Variants in IL34 observed in about 807,000 individuals in gnomAD.
IL34 encodes the protein interleukin 34.
Under a neutral mutation model 25.3 loss-of-function variants are expected in IL34, and 17 were observed. The ratio of observed to expected loss-of-function variants is 0.67; its 90% confidence interval spans 0.46 to 1.01. The LOEUF is 1.01. Among genes scored for constraint, IL34 ranks in the 50% least tolerant of loss-of-function variants. The pLI is 0.00. For missense variants in IL34, 368 were observed against 312.9 expected (o/e 1.18, Z -1.33); for synonymous variants, 174 against 140.9 (o/e 1.23, Z -1.66).
chr16:70,588,805 T>C (rs947552221), intron 1 of IL34, among the ~76,000 whole-genome samples: 33 of 152,150 alleles, frequency 2.2e-4, no homozygotes, highest in African/African-American at 7.7e-4. Context: ...GCACAAAAGA[T>C]AAATACTGTA....
At chr16:70,599,657 A>C (rs2050886929) in intron 1 of IL34, among the ~76,000 whole-genome samples, 1 of 150,706 alleles carries the variant, frequency 6.6e-6, no homozygotes, top group Non-Finnish European at 1.5e-5. Context: ...GATTACAGGA[A>C]TGAACCACTG....
In IL34 at chr16:70,630,372, C is replaced by T. The variant is rs375029289; in HGVS notation, c.-400-16176C>T. ...TCAACCTCCCGAGTAGCTGGGATTA[C>T]AGGTGTGCACCACCATGCCTGGCTA... On this transcript the variant is annotated intron_variant, in intron 1 of 6. Transcript: ENST00000429149. 1.6e-4 allele frequency among the ~76,000 whole-genome samples: 25 copies of T among 152,234 alleles called. No individual in the cohort carries two copies. The South Asian group carries it at 5.2e-3, about 32-fold the overall frequency.
chr16:70,650,870 C>T (rs2052060523), intron 1 of IL34, among the ~76,000 whole-genome samples: 1 of 152,098 alleles, frequency 6.6e-6, no homozygotes, highest in Non-Finnish European at 1.5e-5. Context: ...GAGGCGAATC[C>T]CCAAATGCAC....
chr16:70,654,360 C>G (rs914442929), intron 1 of IL34, 178 bp from the exon 2 acceptor site: 2 of 740,742 alleles, frequency 2.7e-6, no homozygotes, highest in Admixed American at 6.1e-5. Context: ...CCTGACCTTG[C>G]TGTTCTGGAG....
In IL34 at chr16:70,660,247, T is replaced by C; in HGVS notation, c.*60T>C. On this transcript the variant is annotated 3_prime_UTR_variant, in exon 6 of 6. Coordinates refer to ENST00000288098, the MANE Select transcript of IL34 (RefSeq NM_001393494.1). The stretch of plus-strand genomic sequence containing the variant: ...AGACCAGCTCCCACAGGAGTTCAAC[T>C]GGGTCTGAGACTTCAAGGGGTGGTG... 2.8e-6 allele frequency: 4 copies of C among 1,445,262 alleles called. No homozygotes were observed. Among genetic ancestry groups the C allele is most frequent in the Non-Finnish European group, 3.7e-6 (4 of 1,081,698 alleles). The allele number at this position is 1,445,262 out of a possible 1,614,324, so 89.5% of individuals were successfully genotyped here. A position where few individuals can be genotyped will look rare whatever the true frequency, so the allele number is the denominator to read the frequency against.
At chr16:70,595,729 C>T (rs1025150572) in intron 1 of IL34, among the ~76,000 whole-genome samples, 1 of 151,190 alleles carries the variant, frequency 6.6e-6, no homozygotes, top group Non-Finnish European at 1.5e-5. Context: ...TAAGAAAATC[C>T]GGCTGGGCGT....
chr16:70,631,814 C>G (rs929485233), intron 1 of IL34, among the ~76,000 whole-genome samples: 2 of 152,062 alleles, frequency 1.3e-5, no homozygotes, highest in African/African-American at 4.8e-5. Context: ...TAACCTCAGA[C>G]AAGTTACCTC....
chr16:70,648,552 TAAAA>T (rs56164163), intron 1 of IL34, among the ~76,000 whole-genome samples: 9 of 73,304 alleles, frequency 1.2e-4, no homozygotes, highest in Middle Eastern at 9.1e-3. Context: ...ACCCTGTCTT[TAAAA>T]AAAAAAAAAA....
intron 1 of IL34, among the ~76,000 whole-genome samples, chr16:70,588,534 C>A (rs992753572): frequency 6.6e-5 from 10 of 151,948 alleles, no homozygotes; most frequent in Non-Finnish European, 1.3e-4. Context: ...ACCATACAAT[C>A]CAGCAATCCC....
At chr16:70,619,169 G>A (rs1365335252) in intron 1 of IL34, among the ~76,000 whole-genome samples, 3 of 152,166 alleles carry the variant, frequency 2.0e-5, no homozygotes, top group Non-Finnish European at 4.4e-5. Context: ...GCAGACGAGT[G>A]ATAACAGGCT....
chr16:70,654,390 T>C, intron 1 of IL34, 148 bp from the exon 2 acceptor site: 4 of 1,069,698 alleles, frequency 3.7e-6, no homozygotes, highest in Non-Finnish European at 5.3e-6. Flanking sequence ...AGGGAAAGCA[T>C]TCCAGATCCC....
chr16:70,640,089 G>A (rs1377086790), intron 1 of IL34, among the ~76,000 whole-genome samples: 2 of 152,192 alleles, frequency 1.3e-5, no homozygotes, highest in African/African-American at 4.8e-5. Context: ...TTACTATCAT[G>A]ATCAAGTATT....
chr16:70,637,127 TG>T (rs1216287368), intron 1 of IL34, among the ~76,000 whole-genome samples: 2 of 152,088 alleles, frequency 1.3e-5, no homozygotes, highest in Non-Finnish European at 2.9e-5. Flanking sequence ...CTCAAAGTGC[TG>T]GGATTACAGG....
chr16:70,630,261 A>T (rs2051489033), intron 1 of IL34, among the ~76,000 whole-genome samples: 1 of 151,484 alleles, frequency 6.6e-6, no homozygotes, highest in South Asian at 2.1e-4. Flanking sequence ...TTTTTTGGAG[A>T]TGGAGTCTCT....
chr16:70,652,427 G>A (rs1283671714), intron 1 of IL34, among the ~76,000 whole-genome samples: 1 of 152,072 alleles, frequency 6.6e-6, no homozygotes, highest in African/African-American at 2.4e-5. Flanking sequence ...CACTGCACCT[G>A]TCTGCCTGGG....
At chr16:70,657,726 G>C (rs1401499462) in intron 4 of IL34, among the ~76,000 whole-genome samples, 2 of 152,174 alleles carry the variant, frequency 1.3e-5, no homozygotes, top group Non-Finnish European at 2.9e-5. Context: ...AGTGAGCTGA[G>C]ATTGCACCAT....
At chr16:70,630,802 G>A (rs868036029) in intron 1 of IL34, among the ~76,000 whole-genome samples, 3 of 152,010 alleles carry the variant, frequency 2.0e-5, no homozygotes, top group Non-Finnish European at 2.9e-5. Flanking sequence ...CAAACTCCTG[G>A]GTTCAAGTGA....
chr16:70,644,024 G>A (rs1597772560), upstream of IL34, among the ~76,000 whole-genome samples: 1 of 152,150 alleles, frequency 6.6e-6, no homozygotes, highest in East Asian at 1.9e-4. Context: ...GCCCCGACTG[G>A]AGGGCAGTGG....
At chr16:70,645,338 T>G (rs2051901401), upstream of IL34, among the ~76,000 whole-genome samples, 1 of 152,140 alleles carries the variant, frequency 6.6e-6, no homozygotes, top group Non-Finnish European at 1.5e-5. Flanking sequence ...GCCAGCATTC[T>G]TTGGTGACAC....
Sources: allele counts gnomAD v4.1 joint callset (sites outside exome capture counted in the v4.1 genomes callset), GRCh38; gene constraint gnomAD v4.1.1; transcripts MANE v1.5; gene names NCBI Gene and HGNC (gene_info 2026-07-23, HGNC 2026-07-21).